Variants in KRR1 observed in about 807,000 individuals in gnomAD.
KRR1 encodes KRR1 small subunit processome component, also known as KRR1 small subunit processome component homolog.
KRR1 carries 23 observed loss-of-function variants against 50.0 expected under a neutral mutation model. That is an observed-to-expected ratio of 0.46 (90% CI 0.33 to 0.65). The LOEUF (loss-of-function observed/expected upper bound fraction) is 0.65. Among genes scored for constraint, KRR1 ranks in the 30% least tolerant of loss-of-function variants. The pLI, the probability that KRR1 is intolerant of heterozygous loss-of-function variation, is 0.02. For missense variants in KRR1, 419 were observed against 442.4 expected (o/e 0.95, Z 0.47); for synonymous variants, 133 against 146.3 (o/e 0.91, Z 0.66).
rs545650149 is a variant in KRR1, at chr12:75,498,185, A to T, written c.*1624T>A. On this transcript the variant is annotated 3_prime_UTR_variant, in exon 10 of 10. Transcript: ENST00000229214. ...TTCTTCCCAGTGCTCTGATTGTCAA[A>T]ATTTGAATAAAGCTCAGTGAAAGGA... 1.3e-5 allele frequency: 2 copies of T among 152,342 alleles called. No homozygotes were observed. Among genetic ancestry groups the T allele is most frequent in the South Asian group, 4.1e-4 (2 of 4,830 alleles). The allele number at this position is 152,342 out of a possible 1,614,324, so 9.4% of individuals were successfully genotyped here.
chr12:75,491,159 T>G lies in KRR1; in HGVS notation c.*8650A>C, dbSNP rs1240751226. On this transcript the variant is annotated 3_prime_UTR_variant, in exon 10 of 10. Coordinates refer to ENST00000229214, the MANE Select transcript of KRR1 (RefSeq NM_007043.7). ...TCCTTTTCAAAATTTTAAGTGATTT[T>G]AATCATAAAAATGATAGATTGTTTA... 7.0e-6 allele frequency: 1 copy of G among 142,476 alleles called. No homozygotes were observed. The highest frequency in any genetic ancestry group is 2.3e-4 in the South Asian group (1 of 4,394). The allele number at this position is 142,476 out of a possible 1,614,324, so 8.8% of individuals were successfully genotyped here. A position where few individuals can be genotyped will look rare whatever the true frequency, so the allele number is the denominator to read the frequency against.
chr12:75,509,663 A>C (rs2046437931), intron 1 of KRR1, among the ~76,000 whole-genome samples: 1 of 145,450 alleles, frequency 6.9e-6, no homozygotes, highest in East Asian at 2.0e-4. Context: ...ATCCCAGCTC[A>C]CTGCAGCCTG....
chr12:75,491,297 A>G lies in KRR1; in HGVS notation c.*8512T>C, dbSNP rs975357772. ...TTACTACCCCTGTTTGGCAAATGAG[A>G]ACAGCAAGGCACACACGGGTCAGCA... On this transcript the variant is annotated 3_prime_UTR_variant, in exon 10 of 10. Transcript: ENST00000229214. 2 of 152,190 alleles carry G rather than the reference A, an allele frequency of 1.3e-5. No homozygotes were observed. Among genetic ancestry groups the G allele is most frequent in the Non-Finnish European group, 2.9e-5 (2 of 68,042 alleles). The allele number at this position is 152,190 out of a possible 1,614,324, so 9.4% of individuals were successfully genotyped here.
At chr12:75,511,469 T>C in intron 1 of KRR1, 44 bp downstream of exon 1, 1 of 1,542,518 alleles carries the variant, frequency 6.5e-7, no homozygotes, top group South Asian at 1.1e-5. Context: ...ACATCGCAAC[T>C]CAACGTACAC....
At chr12:75,509,455 T>C (rs533682746) in intron 1 of KRR1, among the ~76,000 whole-genome samples, 26 of 152,334 alleles carry the variant, frequency 1.7e-4, no homozygotes, top group African/African-American at 5.8e-4. Flanking sequence ...TTTCTGCTTA[T>C]ACTCACATCC....
Position 75,503,918 on chromosome 12 carries a change from G to T in KRR1, c.817C>A (p.Gln273Lys), listed in dbSNP as rs1438977017. Residue 273 changes from glutamine (Q) to lysine (K), a missense_variant, in exon 7 of 10, where the codon CAA becomes AAA. By Grantham distance (53) the Gln-to-Lys change is moderately conservative. Coordinates refer to ENST00000229214, the MANE Select transcript of KRR1 (RefSeq NM_007043.7). ...KKEYTPFPPPQPESQIDKELA... is the reference protein window; with the variant it reads ...KKEYTPFPPPKPESQIDKELA... The stretch of plus-strand genomic sequence containing the variant: ...TTAGTACTAACCTGACTTTCTGGTT[G>T]TGGTGGTGGGAATGGCGTATATTCT... The T allele has an allele frequency of 1.2e-6, 2 of 1,608,946 alleles. No homozygotes were observed. Among genetic ancestry groups the T allele is most frequent in the Non-Finnish European group, 8.5e-7 (1 of 1,177,268 alleles).
chr12:75,502,448 T>G (rs2046400579), intron 7 of KRR1: 1 of 154,392 alleles, frequency 6.5e-6, no homozygotes, highest in African/African-American at 2.4e-5. Flanking sequence ...GCATGCAGAA[T>G]AAAAGCCAGA....
In KRR1 at chr12:75,501,989, T is replaced by G; in HGVS notation, c.843A>C (p.Glu281Asp). 6.2e-7 allele frequency: 1 copy of G among 1,611,328 alleles called. No homozygotes were observed. Among genetic ancestry groups the G allele is most frequent in the East Asian group, 2.2e-5 (1 of 44,820 alleles). ...PPQPESQIDK[E>D]LASGEYFLKA... ...TCAAAAAGTATTCACCACTAGCCAA[T>G]TCTTTATCGATCTGTTGAAAACGGT... Residue 281 changes from glutamate (E) to aspartate (D), a missense_variant, in exon 8 of 10, where the codon GAA becomes GAC. Physicochemically the swap from Glu to Asp is conservative, Grantham distance 45. Transcript: ENST00000229214.
At position 75,493,334 on chromosome 12, in the gene KRR1, A is replaced by T. The variant is rs1278766273; in HGVS notation, c.*6475T>A. On this transcript the variant is annotated 3_prime_UTR_variant, in exon 10 of 10. Coordinates refer to ENST00000229214, the MANE Select transcript of KRR1 (RefSeq NM_007043.7). ...CTGAGGTATTATTTTCCTATACACAAAAAGTTGTAGGCCCCCATTCCACAT... is the reference window on the plus strand; with the variant it reads ...CTGAGGTATTATTTTCCTATACACATAAAGTTGTAGGCCCCCATTCCACAT... The T allele has an allele frequency of 6.6e-6, 1 of 152,120 alleles. No homozygotes were observed. The highest frequency in any genetic ancestry group is 1.5e-5 in the Non-Finnish European group (1 of 68,030). The allele number at this position is 152,120 out of a possible 1,614,324, so 9.4% of individuals were successfully genotyped here. A position where few individuals can be genotyped will look rare whatever the true frequency, so the allele number is the denominator to read the frequency against.
In KRR1 at chr12:75,499,199, T is replaced by TAGTA. The variant is rs1218692079; in HGVS notation, c.*606_*609dup. 1 of 375,858 alleles carries TAGTA rather than the reference T, an allele frequency of 2.7e-6. No homozygotes were observed. Among genetic ancestry groups the TAGTA allele is most frequent in the African/African-American group, 2.1e-5 (1 of 47,628 alleles). 23.3% of individuals were successfully genotyped at this position (375,858 alleles called of 1,614,324 possible). On this transcript the variant is annotated 3_prime_UTR_variant, in exon 10 of 10. Transcript: ENST00000229214. ...TTGCAGGTTGCCACAGGTGGACTTT[T>TAGTA]AGTAAGTAACCTAACCCATGTTTCA...
rs983878449 is a variant in KRR1, at chr12:75,491,366, T to C, written c.*8443A>G. 2 of 152,202 alleles carry C rather than the reference T, an allele frequency of 1.3e-5. No homozygotes were observed. The highest frequency in any genetic ancestry group is 6.5e-5 in the Admixed American group (1 of 15,284). 9.4% of individuals were successfully genotyped at this position (152,202 alleles called of 1,614,324 possible). On this transcript the variant is annotated 3_prime_UTR_variant, in exon 10 of 10. Transcript: ENST00000229214. ...AGTTAGTGACTATCACTGATGGACT[T>C]TGATCTGGCTGTCTAGCTCCAGAGT... is the stretch of plus-strand genomic sequence containing the variant.
rs778224926 is a variant in KRR1 at position 75,506,582 on chromosome 12, C to T, written c.421G>A (p.Ala141Thr). The change falls in exon 4 of 10, where the codon GCA becomes ACA. Residue 141 changes from alanine (A) to threonine (T), a missense_variant. Physicochemically the swap from Ala to Thr is moderately conservative, Grantham distance 58. Transcript: ENST00000229214. Reference sequence around the variant, plus strand: ...GAACCTATTTTAATGATGTCACATGCAACATCATCCTGAAGAATTCGTACT... The same window carrying T: ...GAACCTATTTTAATGATGTCACATGTAACATCATCCTGAAGAATTCGTACT... ...QAVRILQDDV[A>T]CDIIKIGSLV... 1 of 1,507,598 alleles carries T rather than the reference C, an allele frequency of 6.6e-7. No individual in the cohort carries two copies. The highest frequency in any genetic ancestry group is 1.5e-5 in the African/African-American group (1 of 65,350). The allele number at this position is 1,507,598 out of a possible 1,614,324, so 93.4% of individuals were successfully genotyped here. A position where few individuals can be genotyped will look rare whatever the true frequency, so the allele number is the denominator to read the frequency against.
intron 1 of KRR1, among the ~76,000 whole-genome samples, chr12:75,509,528 A>G (rs920740273): frequency 7.2e-5 from 11 of 151,970 alleles, no homozygotes; most frequent in South Asian, 6.2e-4. Context: ...GGATTCTCCA[A>G]TGTCCTTTAA....
In KRR1 at chr12:75,496,813, T is replaced by C. The variant is rs764135739; in HGVS notation, c.*2996A>G. 10 of 152,202 alleles carry C rather than the reference T, an allele frequency of 6.6e-5. No homozygotes were observed. The highest frequency in any genetic ancestry group is 1.3e-4 in the Non-Finnish European group (9 of 68,042). 9.4% of individuals were successfully genotyped at this position (152,202 alleles called of 1,614,324 possible). ...CCTAAAATTATAAAATTCTATATAT[T>C]AAACTGCTTGCTCTCCTCCTTCCCA... is the stretch of plus-strand genomic sequence containing the variant. On this transcript the variant is annotated 3_prime_UTR_variant, in exon 10 of 10. Transcript: ENST00000229214.
chr12:75,501,106 A>ATAAG (rs1422185186), intron 9 of KRR1: 1 of 152,240 alleles, frequency 6.6e-6, no homozygotes, highest in Non-Finnish European at 1.5e-5. Flanking sequence ...TAGGAAGAGG[A>ATAAG]TAAGTGTTAC....
rs746442927 is a variant in KRR1 at position 75,499,832 on chromosome 12, T to C, written c.1123A>G (p.Lys375Glu). ...EIALKMEADE[K>E]KKKKKK ...TGTTACTTTTTTTTCTTCTTTTTCT[T>C]TTCATCTGCCTCCATCTTAAGTGCA... Residue 375 changes from lysine to glutamate, a missense_variant, in exon 10 of 10, where the codon AAG (lysine) becomes GAG (glutamate). Transcript: ENST00000229214. 6.2e-7 allele frequency: 1 copy of C among 1,601,302 alleles called. No homozygotes were observed. The highest frequency in any genetic ancestry group is 2.3e-5 in the East Asian group (1 of 44,424).
At position 75,499,043 on chromosome 12, in the gene KRR1, A is replaced by G. The variant is rs532518156; in HGVS notation, c.*766T>C. 2 of 1,047,148 alleles carry G rather than the reference A, an allele frequency of 1.9e-6. No individual in the cohort carries two copies. The highest frequency in any genetic ancestry group is 1.6e-5 in the African/African-American group (1 of 61,768). 64.9% of individuals were successfully genotyped at this position (1,047,148 alleles called of 1,614,324 possible). ...TCACATATGGCTTTTTTTTTAACCA[A>G]TAACAATTAGGTGTACTTCTATTTT... On this transcript the variant is annotated 3_prime_UTR_variant, in exon 10 of 10. Transcript: ENST00000229214.
Position 75,498,477 on chromosome 12 carries a change from T to C in KRR1, c.*1332A>G. ...TATAGTAATGGTATAGTTTCCTTTT[T>C]ATAAAAGGTTTATAAAGTTTATGTA... is the stretch of plus-strand genomic sequence containing the variant. On this transcript the variant is annotated 3_prime_UTR_variant, in exon 10 of 10. Coordinates refer to ENST00000229214, the MANE Select transcript of KRR1 (RefSeq NM_007043.7). 1 of 459,872 alleles carries C rather than the reference T, an allele frequency of 2.2e-6. No homozygotes were observed. The highest frequency in any genetic ancestry group is 3.8e-6 in the Non-Finnish European group (1 of 261,578). 28.5% of individuals were successfully genotyped at this position (459,872 alleles called of 1,614,324 possible).
Position 75,495,631 on chromosome 12 carries a change from CAAT to C in KRR1, c.*4175_*4177del, listed in dbSNP as rs778478951. The C allele has an allele frequency of 1.2e-6, 2 of 1,609,648 alleles. No individual in the cohort carries two copies. Among genetic ancestry groups the C allele is most frequent in the Non-Finnish European group, 1.7e-6 (2 of 1,176,200 alleles). On this transcript the variant is annotated 3_prime_UTR_variant, in exon 10 of 10. Coordinates refer to ENST00000229214, the MANE Select transcript of KRR1 (RefSeq NM_007043.7). ...GAGGAGCCACCTGCAGTGCCTGCCC[CAAT>C]AATGACAAGTGTTTGGACAATCTCT...
Sources: gnomAD v4.1 joint callset for allele counts (sites outside exome capture counted in the v4.1 genomes callset) on GRCh38, gnomAD v4.1.1 for gene constraint, MANE v1.5 for transcripts, NCBI Gene and HGNC (gene_info 2026-07-23, HGNC 2026-07-21) for gene names.